The following MSMO1 variants were observed in gnomAD, a reference collection of about 807,000 sequenced individuals.
MSMO1 encodes C-4 methylsterol oxidase.
Under a neutral mutation model 30.4 loss-of-function variants are expected in MSMO1, and 18 were observed. The ratio of observed to expected loss-of-function variants is 0.59; its 90% confidence interval spans 0.41 to 0.88. The LOEUF is 0.88. Among genes scored for constraint, MSMO1 ranks in the 40% least tolerant of loss-of-function variants. The probability of loss-of-function intolerance (pLI) is 0.00; values close to 1 mark genes in which losing one functional copy is unlikely to be tolerated. For synonymous variants in MSMO1, 84 were observed against 107.9 expected (o/e 0.78, Z 1.37); for missense variants, 284 against 340.5 (o/e 0.83, Z 1.31).
chr4:165,331,443 G>C (rs180991814), intron 1 of MSMO1, among the ~76,000 whole-genome samples: 5 of 152,314 alleles, frequency 3.3e-5, no homozygotes, highest in Admixed American at 3.3e-4. Flanking sequence ...AACACAGGAA[G>C]ACTAGTCAGT....
intron 5 of MSMO1, among the ~76,000 whole-genome samples, chr4:165,341,189 C>CT (rs1394835764): frequency 6.6e-6 from 1 of 152,066 alleles, no homozygotes; most frequent in African/African-American, 2.4e-5. Flanking sequence ...AAATGGGACT[C>CT]TTTTTTGAAG....
intron 1 of MSMO1, among the ~76,000 whole-genome samples, chr4:165,329,926 AC>A (rs999038999): frequency 1.3e-5 from 2 of 152,038 alleles, no homozygotes; most frequent in African/African-American, 4.8e-5. Flanking sequence ...AAGCCACCAC[AC>A]CCAGCCTCCT....
intron 1 of MSMO1, among the ~76,000 whole-genome samples, chr4:165,330,297 A>G (rs530779160): frequency 1.3e-4 from 20 of 152,366 alleles, no homozygotes; most frequent in African/African-American, 4.8e-4. Context: ...TGTGGTAAGG[A>G]TTAAAGTGAA....
At chr4:165,331,518 A>G (rs983966762) in intron 1 of MSMO1, among the ~76,000 whole-genome samples, 5 of 152,144 alleles carry the variant, frequency 3.3e-5, no homozygotes, top group Non-Finnish European at 5.9e-5. Flanking sequence ...ATGGAACACT[A>G]TAGTCACTGT....
chr4:165,329,539 A>G (rs1205341471), intron 1 of MSMO1, among the ~76,000 whole-genome samples: 2 of 151,156 alleles, frequency 1.3e-5, no homozygotes, highest in Non-Finnish European at 2.9e-5. Context: ...TCAAGAAGAG[A>G]AGTATCAAAT....
rs1747682500 is a variant in MSMO1 at position 165,340,314 on chromosome 4, C to A, written c.625C>A (p.His209Asn). Residue 209 changes from histidine (H) to asparagine (N), a missense_variant, in exon 5 of 6, where the codon CAT becomes AAT. Physicochemically the swap from His to Asn is moderately conservative, Grantham distance 68. Coordinates refer to ENST00000261507, the MANE Select transcript of MSMO1 (RefSeq NM_006745.5). ...CATTGGAATCGTGCTTTTGTGTGAT[C>A]ATGTAATTCTTCTTTGGGCATGGGT... ...FFIGIVLLCD[H>N]VILLWAWVTI... 1.2e-6 allele frequency: 2 copies of A among 1,613,718 alleles called. No homozygotes were observed. The highest frequency in any genetic ancestry group is 1.7e-6 in the Non-Finnish European group (2 of 1,179,840).
chr4:165,340,159 A>G (rs1747677525), intron 4 of MSMO1, 62 bp from the exon 5 acceptor site: 1 of 1,460,426 alleles, frequency 6.8e-7, no homozygotes, highest in South Asian at 1.2e-5. Flanking sequence ...AGCCAAGTTG[A>G]CACATAAAAT....
intron 1 of MSMO1, among the ~76,000 whole-genome samples, chr4:165,331,421 A>G (rs1364373153): frequency 6.6e-6 from 1 of 152,200 alleles, no homozygotes; most frequent in Admixed American, 6.5e-5. Flanking sequence ...CAAGTTCTTG[A>G]GGTAAGATAA....
intron 4 of MSMO1, among the ~76,000 whole-genome samples, chr4:165,339,510 C>G (rs1319659982): frequency 6.6e-6 from 1 of 152,062 alleles, no homozygotes; most frequent in Non-Finnish European, 1.5e-5. Context: ...ATTAGAAGAA[C>G]AAATATAAAT....
chr4:165,340,207 T>A lies in MSMO1; in HGVS notation c.532-14T>A, dbSNP rs749543337. The A allele has an allele frequency of 6.2e-7, 1 of 1,612,582 alleles. No homozygotes were observed. Among genetic ancestry groups the A allele is most frequent in the African/African-American group, 1.3e-5 (1 of 75,000 alleles). ...TAGCTAAGAAATTAAGAATTTCTTATCTGTTTGTCTTAGGCTCCATTTGGA... is the reference window on the plus strand; with the variant it reads ...TAGCTAAGAAATTAAGAATTTCTTAACTGTTTGTCTTAGGCTCCATTTGGA... On this transcript the variant is annotated splice_polypyrimidine_tract_variant and intron_variant, in intron 4 of 5. Coordinates refer to ENST00000261507, the MANE Select transcript of MSMO1 (RefSeq NM_006745.5).
In MSMO1 at chr4:165,343,035, C is replaced by T. The variant is rs1729801507; in HGVS notation, c.*1089C>T. On this transcript the variant is annotated 3_prime_UTR_variant, in exon 6 of 6. Coordinates refer to ENST00000261507, the MANE Select transcript of MSMO1 (RefSeq NM_006745.5). ...TGTGAACTGACTTGCTGTATTTGCA[C>T]TTTGAGCTCTTGAAATAAATGTGAT... The T allele has an allele frequency of 6.6e-6, 1 of 152,494 alleles. No homozygotes were observed. Among genetic ancestry groups the T allele is most frequent in the Non-Finnish European group, 1.5e-5 (1 of 68,008 alleles). The allele number at this position is 152,494 out of a possible 1,614,324, so 9.4% of individuals were successfully genotyped here.
At chr4:165,337,229 G>C (rs987989434) in intron 2 of MSMO1, among the ~76,000 whole-genome samples, 20 of 152,088 alleles carry the variant, frequency 1.3e-4, no homozygotes, top group African/African-American at 4.8e-4. Context: ...ATCCCATGTT[G>C]ATCTAACTTT....
chr4:165,329,468 A>G (rs1269687576), intron 1 of MSMO1, among the ~76,000 whole-genome samples: 1 of 151,856 alleles, frequency 6.6e-6, no homozygotes, highest in Non-Finnish European at 1.5e-5. Flanking sequence ...AGCACAATGA[A>G]TGCACAATAC....
At chr4:165,332,155 A>AT (rs1377871700) in intron 1 of MSMO1, among the ~76,000 whole-genome samples, 1 of 152,198 alleles carries the variant, frequency 6.6e-6, no homozygotes, top group Non-Finnish European at 1.5e-5. Context: ...CCATATGTAC[A>AT]TTTTTTGTTT....
chr4:165,337,803 A>G lies in MSMO1; in HGVS notation c.270A>G (p.Thr90=), dbSNP rs746457020. ...TTTCTTCGTAGGATAAGCCAGAGAC[A>G]TGGGAAAACCAATGGAAGTGTTTCA... is the stretch of plus-strand genomic sequence containing the variant. ...KYKIQKDKPE[T]WENQWKCFKV... The change falls in exon 3 of 6, where the codon ACA becomes ACG. Residue 90 remains threonine, a synonymous_variant. Transcript: ENST00000261507. 1.2e-6 allele frequency: 2 copies of G among 1,613,614 alleles called. No homozygotes were observed. The highest frequency in any genetic ancestry group is 1.7e-5 in the Admixed American group (1 of 60,004).
Position 165,327,709 on chromosome 4 carries a change from G to C in MSMO1, c.-87G>C, listed in dbSNP as rs903835519. The C allele has an allele frequency of 5.9e-5, 9 of 152,366 alleles. No homozygotes were observed. Among genetic ancestry groups the C allele is most frequent in the African/African-American group, 1.9e-4 (8 of 41,464 alleles). The allele number at this position is 152,366 out of a possible 1,614,324, so 9.4% of individuals were successfully genotyped here. A position where few individuals can be genotyped will look rare whatever the true frequency, so the allele number is the denominator to read the frequency against. On this transcript the variant is annotated 5_prime_UTR_variant, in exon 1 of 6. Coordinates refer to ENST00000261507, the MANE Select transcript of MSMO1 (RefSeq NM_006745.5). ...CCAGGCGAGGCAGGTTCCGAGGTTGGAACACCTGGCGAGTCCTCGGTGTCG... is the reference window on the plus strand; with the variant it reads ...CCAGGCGAGGCAGGTTCCGAGGTTGCAACACCTGGCGAGTCCTCGGTGTCG...
At chr4:165,336,433 T>G (rs1397806254) in intron 2 of MSMO1, among the ~76,000 whole-genome samples, 2 of 152,208 alleles carry the variant, frequency 1.3e-5, no homozygotes, top group African/African-American at 4.8e-5. Context: ...TAACTGTCTT[T>G]GTAACTAATT....
At position 165,341,750 on chromosome 4, in the gene MSMO1, G is replaced by T. The variant is rs759250703; in HGVS notation, c.687-1G>T. The T allele has an allele frequency of 6.2e-7, 1 of 1,603,242 alleles. No individual in the cohort carries two copies. The highest frequency in any genetic ancestry group is 1.3e-5 in the African/African-American group (1 of 74,742). On this transcript the variant is annotated splice_acceptor_variant, in intron 5 of 5. Coordinates refer to ENST00000261507, the MANE Select transcript of MSMO1 (RefSeq NM_006745.5). LOFTEE classifies it high-confidence loss of function. ...AATAATCTTTATCATTTTTGTTTCA[G>T]TGGTTATGATATTCCTCTCAACCCT...
Position 165,338,778 on chromosome 4 carries a change from G to A in MSMO1, c.531G>A (p.Gln177=). Residue 177 remains glutamine (Q), a splice_region_variant and synonymous_variant, in exon 4 of 6, where the codon CAG becomes CAA. Transcript: ENST00000261507. ...KYIHKVHHEF[Q]APFGMEAEYA... ...TTCATAAAGTTCATCATGAGTTTCA[G>A]GTATGTGAGAGTTATATTTAATTCT... is the stretch of plus-strand genomic sequence containing the variant. 6.3e-7 allele frequency: 1 copy of A among 1,584,032 alleles called. No individual in the cohort carries two copies. Among genetic ancestry groups the A allele is most frequent in the Non-Finnish European group, 8.7e-7 (1 of 1,153,886 alleles).
Sources: gnomAD v4.1 joint callset for allele counts (sites outside exome capture counted in the v4.1 genomes callset) on GRCh38, gnomAD v4.1.1 for gene constraint, MANE v1.5 for transcripts, NCBI Gene and HGNC (gene_info 2026-07-23, HGNC 2026-07-21) for gene names.